Variants in REC114 observed in about 807,000 individuals in gnomAD.
The protein encoded by REC114 is REC114 meiotic recombination protein, also known as meiotic recombination protein REC114.
A neutral mutation model predicts 31.3 loss-of-function variants in REC114; 27 were observed. The observed-to-expected ratio is 0.86, with a 90% CI of 0.64 to 1.19. The LOEUF (loss-of-function observed/expected upper bound fraction) is 1.19. REC114 is among the 50% of genes most tolerant of loss of function. The pLI is 0.00. For synonymous variants in REC114, 134 were observed against 127.7 expected (o/e 1.05, Z -0.33); for missense variants, 344 against 326.9 (o/e 1.05, Z -0.40).
Position 73,556,289 on chromosome 15 carries a change from T to G in REC114, c.547-13T>G. 6.2e-7 allele frequency: 1 copy of G among 1,609,400 alleles called. No individual in the cohort carries two copies. On this transcript the variant is annotated splice_polypyrimidine_tract_variant and intron_variant, in intron 4 of 5. Coordinates refer to ENST00000331090, the MANE Select transcript of REC114 (RefSeq NM_001042367.2). ...TTCAGCTAGTCTCCTTATTGCATGT[T>G]GTTTTATTCCAGTCCCACCAGCACT...
rs764932903 is a variant in REC114, at chr15:73,540,533, C to T, written c.298C>T (p.Arg100Cys). The change falls in exon 3 of 6, where the codon CGC becomes TGC. Residue 100 changes from arginine (R) to cysteine (C), a missense_variant. Transcript: ENST00000331090. ...GSKDWLKIVRRVDCLLFGTTI... is the reference protein window; with the variant it reads ...GSKDWLKIVRCVDCLLFGTTI... ...CAAGGACTGGTTGAAGATTGTAAGA[C>T]GCGTGGATTGTCTGTTGTTTGGAAC... 11 of 1,613,668 alleles carry T rather than the reference C, an allele frequency of 6.8e-6. No individual in the cohort carries two copies. The highest frequency in any genetic ancestry group is 1.6e-4 in the Middle Eastern group (1 of 6,082).
intron 1 of REC114, among the ~76,000 whole-genome samples, chr15:73,462,286 A>C (rs1892999735): frequency 6.6e-6 from 1 of 151,868 alleles, no homozygotes; most frequent in Non-Finnish European, 1.5e-5. Flanking sequence ...AGTAGTATAA[A>C]GTTATCAGTC....
chr15:73,524,993 C>T (rs1005883475), intron 2 of REC114, among the ~76,000 whole-genome samples: 1 of 152,140 alleles, frequency 6.6e-6, no homozygotes, highest in Non-Finnish European at 1.5e-5. Context: ...CATGGCTTTA[C>T]CAGTATGATC....
At chr15:73,532,465 A>G (rs963353975) in intron 2 of REC114, among the ~76,000 whole-genome samples, 71 of 151,452 alleles carry the variant, frequency 4.7e-4, no homozygotes, top group Non-Finnish European at 9.4e-4. Flanking sequence ...GTGTCTTTAT[A>G]GCAGCATGAT....
At chr15:73,457,250 G>T (rs987311886) in intron 1 of REC114, among the ~76,000 whole-genome samples, 1 of 152,012 alleles carries the variant, frequency 6.6e-6, no homozygotes, top group Non-Finnish European at 1.5e-5. Context: ...CTAAGAACAG[G>T]CACTATTCCC....
intron 1 of REC114, among the ~76,000 whole-genome samples, chr15:73,449,464 C>T (rs558690613): frequency 3.7e-4 from 56 of 152,086 alleles, no homozygotes; most frequent in African/African-American, 1.0e-3. Context: ...TGAAAAGAAA[C>T]GAACAAAGCC....
chr15:73,540,490 G>T lies in REC114; in HGVS notation c.255G>T (p.Gly85=), dbSNP rs763285923. 6.2e-7 allele frequency: 1 copy of T among 1,613,692 alleles called. No homozygotes were observed. The stretch of plus-strand genomic sequence containing the variant: ...TTTGCCTAATTTTGTTTCAGGAAGG[G>T]TTTTCACTCATTGGTAGCAAGGACT... The part of the protein sequence containing the change: ...FIFQGQTLLE[G]FSLIGSKDWL... The change falls in exon 3 of 6, where the codon GGG becomes GGT. Residue 85 remains glycine, a synonymous_variant. Coordinates refer to ENST00000331090, the MANE Select transcript of REC114 (RefSeq NM_001042367.2).
At chr15:73,486,907 A>C (rs1893378625) in intron 2 of REC114, among the ~76,000 whole-genome samples, 1 of 152,076 alleles carries the variant, frequency 6.6e-6, no homozygotes. Context: ...GTGGTGGCAC[A>C]TGCCTGTAAT....
chr15:73,515,209 G>A (rs1345913954), intron 2 of REC114, among the ~76,000 whole-genome samples: 1 of 152,066 alleles, frequency 6.6e-6, no homozygotes, highest in Non-Finnish European at 1.5e-5. Context: ...GGGATTACAG[G>A]CATGAGCCAC....
intron 2 of REC114, among the ~76,000 whole-genome samples, chr15:73,513,729 T>TG (rs1400526981): frequency 4.6e-5 from 7 of 151,938 alleles, no homozygotes; most frequent in African/African-American, 1.7e-4. Context: ...GTGCCCCTGC[T>TG]GGGGGGTGCC....
rs552892739 is a variant in REC114 at position 73,532,620 on chromosome 15, A to G, written c.250-7865A>G. On this transcript the variant is annotated intron_variant, in intron 2 of 5. Transcript: ENST00000331090. ...CCACCAACAGTGTAAAAGTGTTCCT[A>G]TTTCTCCACATCCTCTCCAGCACTA... is the stretch of plus-strand genomic sequence containing the variant. Among the ~76,000 whole-genome samples the G allele has an allele frequency of 4.6e-5, 7 of 152,150 alleles. No homozygotes were observed. In the East Asian group the frequency reaches 1.4e-3, roughly 29 times the overall value.
At chr15:73,453,369 A>G (rs1481568728) in intron 1 of REC114, among the ~76,000 whole-genome samples, 3 of 152,202 alleles carry the variant, frequency 2.0e-5, no homozygotes, top group African/African-American at 7.2e-5. Flanking sequence ...TATGTAAAAA[A>G]GCTCGTCATC....
At chr15:73,469,138 A>G (rs1044062600) in intron 1 of REC114, among the ~76,000 whole-genome samples, 1 of 152,160 alleles carries the variant, frequency 6.6e-6, no homozygotes, top group Non-Finnish European at 1.5e-5. Context: ...ACAGTTGCTC[A>G]AGTCTGCTAT....
intron 1 of REC114, among the ~76,000 whole-genome samples, chr15:73,444,798 C>G (rs900718405): frequency 1.3e-5 from 2 of 152,176 alleles, no homozygotes; most frequent in Non-Finnish European, 2.9e-5. Flanking sequence ...TCTACAGAAG[C>G]TATAGCCTTA....
rs540113957 is a variant in REC114 at position 73,444,634 on chromosome 15, C to T, written c.159+1290C>T. 3.3e-5 allele frequency among the ~76,000 whole-genome samples: 5 copies of T among 152,252 alleles called. No individual in the cohort carries two copies. In the South Asian group the frequency reaches 1.0e-3, roughly 32 times the overall value. On this transcript the variant is annotated intron_variant, in intron 1 of 5. Coordinates refer to ENST00000331090, the MANE Select transcript of REC114 (RefSeq NM_001042367.2). Reference sequence around the variant, plus strand: ...AATCTTGAACTCCTCAAAAGTCATCCGTGAGGGTTGGAATCAACTTCTTCC... The same window carrying T: ...AATCTTGAACTCCTCAAAAGTCATCTGTGAGGGTTGGAATCAACTTCTTCC...
intron 1 of REC114, among the ~76,000 whole-genome samples, chr15:73,452,466 G>A (rs539765771): frequency 6.6e-6 from 1 of 152,036 alleles, no homozygotes; most frequent in African/African-American, 2.4e-5. Context: ...TACAAACCAC[G>A]GCTCAAGGCA....
At chr15:73,549,471 C>T (rs565644839) in intron 3 of REC114, among the ~76,000 whole-genome samples, 5 of 152,000 alleles carry the variant, frequency 3.3e-5, no homozygotes, top group African/African-American at 7.2e-5. Flanking sequence ...TTTAAATACA[C>T]GAGTATGGTT....
At chr15:73,555,389 G>A (rs527426780) in intron 4 of REC114, among the ~76,000 whole-genome samples, 1 of 152,222 alleles carries the variant, frequency 6.6e-6, no homozygotes, top group East Asian at 1.9e-4. Context: ...CGGAGGTAGG[G>A]CCCTTCATGC....
chr15:73,537,183 C>G (rs533022149), intron 2 of REC114, among the ~76,000 whole-genome samples: 8 of 152,222 alleles, frequency 5.3e-5, no homozygotes, highest in African/African-American at 1.9e-4. Flanking sequence ...GAAATCACTA[C>G]AAACACACAG....
Sources: allele counts gnomAD v4.1 joint callset (sites outside exome capture counted in the v4.1 genomes callset), GRCh38; gene constraint gnomAD v4.1.1; transcripts MANE v1.5; gene names NCBI Gene and HGNC (gene_info 2026-07-23, HGNC 2026-07-21).